EXOC6B: variants seen among roughly 807,000 people sequenced by gnomAD.
EXOC6B encodes the protein SEC15 homolog B.
EXOC6B carries 54 observed loss-of-function variants against 113.5 expected under a neutral mutation model. The ratio of observed to expected loss-of-function variants is 0.48; its 90% CI spans 0.38 to 0.60. The LOEUF (loss-of-function observed/expected upper bound fraction) is 0.60. EXOC6B is among the 20% of genes least tolerant of loss of function. The pLI is 0.00. For synonymous variants in EXOC6B, 357 were observed against 339.0 expected, an observed-to-expected ratio of 1.05 and a Z score of -0.58; for missense variants, 797 against 977.5, an observed-to-expected ratio of 0.82 and a Z score of 2.46.
At chr2:72,322,269 C>T (rs1327006538) in intron 20 of EXOC6B, among the ~76,000 whole-genome samples, 1 of 152,150 alleles carries the variant, frequency 6.6e-6, no homozygotes, top group Non-Finnish European at 1.5e-5. Context: ...ACACCCCCAA[C>T]ACCATGGATG....
At chr2:72,292,794 C>T (rs916649426) in intron 20 of EXOC6B, among the ~76,000 whole-genome samples, 1 of 152,024 alleles carries the variant, frequency 6.6e-6, no homozygotes, top group Non-Finnish European at 1.5e-5. Flanking sequence ...AATATAAAAC[C>T]CTTTGAAATT....
intron 20 of EXOC6B, among the ~76,000 whole-genome samples, chr2:72,301,511 G>A (rs906153408): frequency 6.6e-6 from 1 of 152,084 alleles, no homozygotes; most frequent in South Asian, 2.1e-4. Flanking sequence ...ATTTATTACT[G>A]ACTCAATTCA....
At chr2:72,242,583 A>G (rs1313412589) in intron 20 of EXOC6B, among the ~76,000 whole-genome samples, 2 of 152,220 alleles carry the variant, frequency 1.3e-5, no homozygotes, top group East Asian at 3.8e-4. Context: ...ACCAAGAACA[A>G]GGCAACCAAG....
chr2:72,586,318 C>T (rs780540786), intron 6 of EXOC6B, among the ~76,000 whole-genome samples: 16 of 152,202 alleles, frequency 1.1e-4, no homozygotes, highest in African/African-American at 3.6e-4. Flanking sequence ...AACCTACATA[C>T]AGAATGGGAG....
rs1010086433 is a variant in EXOC6B, at chr2:72,611,307, G to A, written c.670-35639C>T. 1.1e-4 allele frequency among the ~76,000 whole-genome samples: 17 copies of A among 151,416 alleles called. No homozygotes were observed. The East Asian group carries it at 1.2e-3, about 10-fold the overall frequency. On this transcript the variant is annotated intron_variant, in intron 6 of 21. Coordinates refer to ENST00000272427, the MANE Select transcript of EXOC6B (RefSeq NM_015189.3). Reference sequence around the variant, plus strand: ...TGAACCCAGGAGGCGGCAGCGAGCCGAGATCGTGCCACTGCACTCCAGTCC... The same window carrying A: ...TGAACCCAGGAGGCGGCAGCGAGCCAAGATCGTGCCACTGCACTCCAGTCC...
chr2:72,636,376 G>GCAA (rs1558866953), intron 6 of EXOC6B, among the ~76,000 whole-genome samples: 5 of 142,474 alleles, frequency 3.5e-5, no homozygotes, highest in African/African-American at 1.4e-4. Flanking sequence ...AAGGAAGCAA[G>GCAA]GAAGCAAGGA....
intron 17 of EXOC6B, among the ~76,000 whole-genome samples, chr2:72,467,240 G>A (rs1360889918): frequency 4.6e-5 from 7 of 152,174 alleles, no homozygotes; most frequent in Non-Finnish European, 1.0e-4. Context: ...CCAGTTGACA[G>A]ACACTTAGGT....
Position 72,777,773 on chromosome 2 carries a change from T to C in EXOC6B, c.114-36304A>G, listed in dbSNP as rs186641758. Reference sequence around the variant, plus strand: ...ACATATCTCTGTTGATGAGCATACATTGTATAAAGATGTAATTTATAATGA... The same window carrying C: ...ACATATCTCTGTTGATGAGCATACACTGTATAAAGATGTAATTTATAATGA... On this transcript the variant is annotated intron_variant, in intron 1 of 21. Coordinates refer to ENST00000272427, the MANE Select transcript of EXOC6B (RefSeq NM_015189.3). Among the ~76,000 whole-genome samples, 11 of 152,070 alleles carry C rather than the reference T, an allele frequency of 7.2e-5. 1 individual carries two copies. Among genetic ancestry groups the C allele is most frequent in the Admixed American group, 7.2e-4 (11 of 15,300 alleles).
chr2:72,604,147 A>G (rs6546779), intron 6 of EXOC6B, among the ~76,000 whole-genome samples: 140,690 of 152,246 alleles, frequency 0.92, 65,093 homozygotes, highest in East Asian at 0.99. Context: ...TTCCCTTAAC[A>G]ATTTAGTGAC....
intron 1 of EXOC6B, among the ~76,000 whole-genome samples, chr2:72,744,285 C>G (rs974396384): frequency 6.6e-6 from 1 of 152,162 alleles, no homozygotes; most frequent in African/African-American, 2.4e-5. Flanking sequence ...TGTTTGGCTT[C>G]CAGTCAAGAT....
chr2:72,644,687 T>G (rs1673557537), intron 6 of EXOC6B, among the ~76,000 whole-genome samples: 1 of 152,128 alleles, frequency 6.6e-6, no homozygotes, highest in African/African-American at 2.4e-5. Flanking sequence ...TCAGCTAAAC[T>G]AAGCTTCATA....
At chr2:72,523,780 C>CAAAAAAA (rs11334254) in intron 8 of EXOC6B, among the ~76,000 whole-genome samples, 3 of 63,732 alleles carry the variant, frequency 4.7e-5, no homozygotes, top group African/African-American at 6.3e-5. Context: ...GACTCCATCT[C>CAAAAAAA]AAAAAAAAAA....
intron 6 of EXOC6B, among the ~76,000 whole-genome samples, chr2:72,714,280 G>A (rs1679462144): frequency 6.6e-6 from 1 of 152,160 alleles, no homozygotes; most frequent in African/African-American, 2.4e-5. Flanking sequence ...GTCAGGCAGT[G>A]GGCAGTAAGA....
chr2:72,678,598 C>T (rs1003643359), intron 6 of EXOC6B, among the ~76,000 whole-genome samples: 7 of 152,066 alleles, frequency 4.6e-5, no homozygotes, highest in Non-Finnish European at 1.5e-5. Flanking sequence ...CCCAGCTACT[C>T]GGGAGGCTGA....
At chr2:72,775,820 C>T (rs770690077) in intron 1 of EXOC6B, among the ~76,000 whole-genome samples, 6 of 151,966 alleles carry the variant, frequency 3.9e-5, no homozygotes, top group East Asian at 1.9e-4. Flanking sequence ...TGAAACAATT[C>T]GATATATTGA....
At chr2:72,546,868 T>C (rs1329878571) in intron 8 of EXOC6B, among the ~76,000 whole-genome samples, 2 of 152,238 alleles carry the variant, frequency 1.3e-5, no homozygotes, top group African/African-American at 2.4e-5. Context: ...AGAGTTCTTA[T>C]GAGGCTTATA....
intron 6 of EXOC6B, among the ~76,000 whole-genome samples, chr2:72,685,227 T>A (rs1676999890): frequency 6.6e-6 from 1 of 152,180 alleles, no homozygotes; most frequent in South Asian, 2.1e-4. Flanking sequence ...TCTGTATGTT[T>A]GAAATTTTTC....
At chr2:72,503,717 C>A (rs1414618929) in intron 11 of EXOC6B, among the ~76,000 whole-genome samples, 1 of 152,112 alleles carries the variant, frequency 6.6e-6, no homozygotes, top group African/African-American at 2.4e-5. Context: ...CCTAGGCATA[C>A]ACCTGCTAGA....
chr2:72,428,660 C>T (rs989642354), intron 18 of EXOC6B, among the ~76,000 whole-genome samples: 4 of 152,260 alleles, frequency 2.6e-5, no homozygotes, highest in East Asian at 1.9e-4. Context: ...AAAAGCCAAG[C>T]GGGCACAAGC....
Sources: allele counts gnomAD v4.1 joint callset (sites outside exome capture counted in the v4.1 genomes callset), GRCh38; gene constraint gnomAD v4.1.1; transcripts MANE v1.5; gene names NCBI Gene and HGNC (gene_info 2026-07-23, HGNC 2026-07-21).